Variants in GAN observed in about 807,000 individuals in gnomAD.
GAN encodes epididymis secretory sperm binding protein.
Under a neutral mutation model 71.3 loss-of-function variants are expected in GAN, and 48 were observed. The ratio of observed to expected loss-of-function variants is 0.67; its 90% CI spans 0.53 to 0.86. The LOEUF is 0.86. Ranked by LOEUF, GAN falls within the 40% of genes least tolerant of loss-of-function variation. GAN has a pLI of 0.00. For synonymous variants in GAN, 386 were observed against 276.8 expected (o/e 1.39, Z -3.92); for missense variants, 928 against 770.1 (o/e 1.21, Z -2.43).
At chr16:81,324,428 G>A (rs967625301) in intron 1 of GAN, among the ~76,000 whole-genome samples, 1 of 152,146 alleles carries the variant, frequency 6.6e-6, no homozygotes, top group African/African-American at 2.4e-5. Context: ...ATCTGAGGGA[G>A]GAGGAGACCT....
chr16:81,321,564 C>T (rs1454684287), intron 1 of GAN, among the ~76,000 whole-genome samples: 1 of 152,118 alleles, frequency 6.6e-6, no homozygotes, highest in Non-Finnish European at 1.5e-5. Context: ...TCAAAACCGC[C>T]TTATCCATTG....
intron 1 of GAN, among the ~76,000 whole-genome samples, chr16:81,344,925 A>G (rs1009886839): frequency 2.0e-5 from 3 of 152,202 alleles, no homozygotes; most frequent in East Asian, 3.8e-4. Context: ...AAACAACCCC[A>G]TCGAAAAATG....
At chr16:81,373,196 C>T (rs572486202) in intron 9 of GAN, among the ~76,000 whole-genome samples, 8 of 152,346 alleles carry the variant, frequency 5.3e-5, no homozygotes, top group African/African-American at 1.7e-4. Flanking sequence ...GATGCCCTGG[C>T]TGCTTCACAG....
rs749264810 is a variant in GAN, at chr16:81,357,831, G to C, written c.873G>C (p.Ala291=). Residue 291 remains alanine (A), a synonymous_variant, in exon 5 of 11, where the codon GCG becomes GCC. Transcript: ENST00000648994. ...TTAGTTCACGGAAACCCACAGCAGC[G>C]ATGCGATGCATGTGCCCTCTCTATG... ...EERVSRKPTA[A]MRCMCPLYDP... 5.0e-6 allele frequency: 8 copies of C among 1,613,088 alleles called. No homozygotes were observed. The South Asian group carries it at 8.8e-5, about 18-fold the overall frequency.
chr16:81,342,432 T>C (rs979354601), intron 1 of GAN, among the ~76,000 whole-genome samples: 1 of 152,100 alleles, frequency 6.6e-6, no homozygotes, highest in African/African-American at 2.4e-5. Context: ...CAACAAACTG[T>C]CTCAGACCAC....
In GAN at chr16:81,354,657, AAAG is replaced by A; in HGVS notation, c.539_541del (p.Glu180del). ...CTTAGAGCTGAGTCCTCAAAAGCTT[AAAG>A]AAGTGATTTCTCTTGAGAAGTTAAA... On this transcript the variant is annotated inframe_deletion, in exon 3 of 11. Transcript: ENST00000648994. 2 of 1,613,608 alleles carry A rather than the reference AAAG, an allele frequency of 1.2e-6. No individual in the cohort carries two copies. Among genetic ancestry groups the A allele is most frequent in the Non-Finnish European group, 1.7e-6 (2 of 1,179,450 alleles).
intron 1 of GAN, among the ~76,000 whole-genome samples, chr16:81,339,346 G>C (rs897429464): frequency 1.3e-5 from 2 of 152,188 alleles, no homozygotes; most frequent in Non-Finnish European, 2.9e-5. Flanking sequence ...GTTATTAAAC[G>C]TTCTTCCTTG....
In GAN at chr16:81,384,154, G is replaced by T. The variant is rs894006225; in HGVS notation, c.*6558G>T. The T allele has an allele frequency of 6.6e-6, 1 of 152,004 alleles. No individual in the cohort carries two copies. Among genetic ancestry groups the T allele is most frequent in the Non-Finnish European group, 1.5e-5 (1 of 68,026 alleles). 9.4% of individuals were successfully genotyped at this position (152,004 alleles called of 1,614,324 possible). A position where few individuals can be genotyped will look rare whatever the true frequency, so the allele number is the denominator to read the frequency against. ...GTTTATAGGAAAAACTCTGTTCTCA[G>T]CTACCTCATTATGTAGTATTGTGCT... On this transcript the variant is annotated 3_prime_UTR_variant, in exon 11 of 11. Transcript: ENST00000648994.
rs536027024 is a variant in GAN, at chr16:81,345,851, C to A, written c.168-5732C>A. Reference sequence around the variant, plus strand: ...TGCAAGTTTTCCACAGACAGGAGTTCTGGGGATGGTTTCAGGGTGTAACCG... The same window carrying A: ...TGCAAGTTTTCCACAGACAGGAGTTATGGGGATGGTTTCAGGGTGTAACCG... On this transcript the variant is annotated intron_variant, in intron 1 of 10. Transcript: ENST00000648994. Among the ~76,000 whole-genome samples the A allele has an allele frequency of 2.6e-5, 4 of 152,316 alleles. No homozygotes were observed. In the South Asian group the frequency reaches 8.3e-4, roughly 32 times the overall value.
chr16:81,343,282 C>T lies in GAN; in HGVS notation c.168-8301C>T, dbSNP rs140337865. On this transcript the variant is annotated intron_variant, in intron 1 of 10. Coordinates refer to ENST00000648994, the MANE Select transcript of GAN (RefSeq NM_022041.4). The stretch of plus-strand genomic sequence containing the variant: ...CTAACTCATTTTATGAGGCCAGCAT[C>T]ATCCTGATACCAAAGCCTGGGAGAG... 2.1e-3 allele frequency among the ~76,000 whole-genome samples: 320 copies of T among 152,304 alleles called. 1 individual carries two copies. The highest frequency in any genetic ancestry group is 7.3e-3 in the African/African-American group (305 of 41,562).
In GAN at chr16:81,383,615, T is replaced by A. The variant is rs980911193; in HGVS notation, c.*6019T>A. 1 of 152,000 alleles carries A rather than the reference T, an allele frequency of 6.6e-6. No homozygotes were observed. Among genetic ancestry groups the A allele is most frequent in the Non-Finnish European group, 1.5e-5 (1 of 68,008 alleles). The allele number at this position is 152,000 out of a possible 1,614,324, so 9.4% of individuals were successfully genotyped here. ...TTTAAAGTCACTACTCAGCTGAAAT[T>A]TGGCCTGATTATAAATGTTGATAAT... On this transcript the variant is annotated 3_prime_UTR_variant, in exon 11 of 11. Coordinates refer to ENST00000648994, the MANE Select transcript of GAN (RefSeq NM_022041.4).
At chr16:81,359,246 G>T (rs565617144) in intron 5 of GAN, among the ~76,000 whole-genome samples, 1 of 151,988 alleles carries the variant, frequency 6.6e-6, no homozygotes, top group South Asian at 2.1e-4. Flanking sequence ...ACACATACAC[G>T]TCTGTCACAA....
At chr16:81,364,415 A>C (rs1329821078) in intron 7 of GAN, among the ~76,000 whole-genome samples, 1 of 152,172 alleles carries the variant, frequency 6.6e-6, no homozygotes, top group African/African-American at 2.4e-5. Flanking sequence ...ACAGGTGTGC[A>C]CCACCACACC....
intron 6 of GAN, 93 bp from the exon 7 acceptor site, chr16:81,363,701 T>C: frequency 7.5e-7 from 1 of 1,330,400 alleles, no homozygotes; most frequent in Non-Finnish European, 1.1e-6. Flanking sequence ...TTTGCCATCT[T>C]TATGTTTCTC....
At chr16:81,317,799 A>G (rs955136005) in intron 1 of GAN, among the ~76,000 whole-genome samples, 2 of 152,212 alleles carry the variant, frequency 1.3e-5, no homozygotes, top group African/African-American at 4.8e-5. Flanking sequence ...TAAAATGTTT[A>G]TCAAGCACTT....
intron 1 of GAN, among the ~76,000 whole-genome samples, chr16:81,328,366 A>G (rs150930719): frequency 6.6e-6 from 1 of 152,290 alleles, no homozygotes; most frequent in Non-Finnish European, 1.5e-5. Flanking sequence ...CATAGTTGTC[A>G]TTTTTAATAG....
intron 1 of GAN, among the ~76,000 whole-genome samples, chr16:81,320,223 C>A (rs1909181512): frequency 6.6e-6 from 1 of 152,156 alleles, no homozygotes; most frequent in Non-Finnish European, 1.5e-5. Context: ...TGTAGGAGGT[C>A]CAAGTTTCAT....
intron 1 of GAN, among the ~76,000 whole-genome samples, chr16:81,344,231 T>C (rs530874966): frequency 6.6e-6 from 1 of 152,348 alleles, no homozygotes; most frequent in African/African-American, 2.4e-5. Flanking sequence ...AAGCTGCCGC[T>C]GACTTTCTTC....
Position 81,384,863 on chromosome 16 carries a change from GGAA to G in GAN, c.*7273_*7275del, listed in dbSNP as rs1049089361. On this transcript the variant is annotated 3_prime_UTR_variant, in exon 11 of 11. Transcript: ENST00000648994. The stretch of plus-strand genomic sequence containing the variant: ...AGCTTGCCTGGTCACCAAGTCAGGA[GGAA>G]GAAGATGAGGAGGCTCACCAGTTGT... 6.5e-6 allele frequency: 1 copy of G among 153,198 alleles called. No individual in the cohort carries two copies. Among genetic ancestry groups the G allele is most frequent in the African/African-American group, 2.4e-5 (1 of 41,482 alleles). 9.5% of individuals were successfully genotyped at this position (153,198 alleles called of 1,614,324 possible).
Sources: gnomAD v4.1 joint callset for allele counts (sites outside exome capture counted in the v4.1 genomes callset) on GRCh38, gnomAD v4.1.1 for gene constraint, MANE v1.5 for transcripts, NCBI Gene and HGNC (gene_info 2026-07-23, HGNC 2026-07-21) for gene names.